Variants in ATG7 observed in about 807,000 individuals in gnomAD.
ATG7 encodes the protein ubiquitin-like modifier-activating enzyme ATG7.
A neutral mutation model predicts 82.4 loss-of-function variants in ATG7; 70 were observed. The ratio of observed to expected loss-of-function variants is 0.85; its 90% CI spans 0.70 to 1.04. ATG7 has a LOEUF of 1.04. Ranked by LOEUF, ATG7 falls within the 50% of genes least tolerant of loss-of-function variation. The probability of loss-of-function intolerance (pLI) is 0.00; values close to 1 mark genes in which losing one functional copy is unlikely to be tolerated. For synonymous variants in ATG7, 287 were observed against 313.0 expected (o/e 0.92, Z 0.88); for missense variants, 792 against 864.3 (o/e 0.92, Z 1.05).
At chr3:11,380,199 TTTC>T in intron 19 of ATG7, 147 bp downstream of exon 19, 1 of 690,624 alleles carries the variant, frequency 1.4e-6, no homozygotes, top group Non-Finnish European at 2.5e-6. Context: ...AGGACTTTGT[TTTC>T]ATGGATCTGT....
chr3:11,395,007 T>C (rs1411798173), intron 19 of ATG7, among the ~76,000 whole-genome samples: 1 of 152,174 alleles, frequency 6.6e-6, no homozygotes, highest in African/African-American at 2.4e-5. Flanking sequence ...TGAAATACTA[T>C]TCTTACAGCA....
chr3:11,496,949 T>G (rs2090878946), intron 20 of ATG7, among the ~76,000 whole-genome samples: 1 of 151,414 alleles, frequency 6.6e-6, no homozygotes, highest in Non-Finnish European at 1.5e-5. Context: ...AACCTCTGTT[T>G]CAAGTGATTC....
chr3:11,311,808 G>C (rs1202235204), intron 7 of ATG7, among the ~76,000 whole-genome samples: 1 of 151,918 alleles, frequency 6.6e-6, no homozygotes, highest in Non-Finnish European at 1.5e-5. Context: ...TTGCCATTGT[G>C]AAGAGGGAAT....
chr3:11,407,149 A>C (rs946055464), intron 19 of ATG7, among the ~76,000 whole-genome samples: 1 of 152,226 alleles, frequency 6.6e-6, no homozygotes, highest in African/African-American at 2.4e-5. Context: ...GGGTACATAC[A>C]GCCATTCCAA....
At chr3:11,318,391 A>G (rs1174132869) in intron 9 of ATG7, among the ~76,000 whole-genome samples, 1 of 152,240 alleles carries the variant, frequency 6.6e-6, no homozygotes, top group Non-Finnish European at 1.5e-5. Context: ...GTAATGGAAG[A>G]TAAGTTCAGA....
intron 20 of ATG7, among the ~76,000 whole-genome samples, chr3:11,498,153 A>G (rs891337727): frequency 1.3e-5 from 2 of 152,084 alleles, no homozygotes; most frequent in African/African-American, 4.8e-5. Context: ...ATATACACAC[A>G]TATACATACA....
At chr3:11,503,831 T>G (rs1342492229) in intron 20 of ATG7, among the ~76,000 whole-genome samples, 1 of 149,930 alleles carries the variant, frequency 6.7e-6, no homozygotes, top group African/African-American at 2.5e-5. Context: ...TAAAATTCAG[T>G]AGAAGGATTA....
intron 20 of ATG7, among the ~76,000 whole-genome samples, chr3:11,508,261 G>A (rs1278362182): frequency 6.6e-6 from 1 of 151,654 alleles, no homozygotes; most frequent in African/African-American, 2.4e-5. Flanking sequence ...CAATCTTTTG[G>A]CTTCCCTGAG....
intron 20 of ATG7, among the ~76,000 whole-genome samples, chr3:11,462,509 C>G (rs1255829659): frequency 6.6e-6 from 1 of 152,126 alleles, no homozygotes; most frequent in Non-Finnish European, 1.5e-5. Context: ...GCAGCGTGAA[C>G]ACTTTAGGGT....
At chr3:11,551,846 T>C (rs1437834736) in intron 20 of ATG7, among the ~76,000 whole-genome samples, 1 of 152,166 alleles carries the variant, frequency 6.6e-6, no homozygotes, top group Non-Finnish European at 1.5e-5. Flanking sequence ...CCTCCTGAGT[T>C]CAAGCCATTC....
At chr3:11,302,384 A>G (rs995575786) in intron 5 of ATG7, among the ~76,000 whole-genome samples, 4 of 152,184 alleles carry the variant, frequency 2.6e-5, no homozygotes, top group Non-Finnish European at 5.9e-5. Context: ...TCTTTATTCC[A>G]AATTATTTCC....
At chr3:11,283,175 G>A (rs1370597213) in intron 3 of ATG7, among the ~76,000 whole-genome samples, 1 of 152,220 alleles carries the variant, frequency 6.6e-6, no homozygotes. Flanking sequence ...TGTAGTGGGA[G>A]ACTGACCATT....
chr3:11,573,279 G>GAA, the ATG7 span, among the ~76,000 whole-genome samples: 1 of 15,452 alleles, frequency 6.5e-5, no homozygotes, highest in African/African-American at 2.6e-4. Flanking sequence ...AAGAAAGAAA[G>GAA]AAAGAAAGAA....
chr3:11,394,417 TTC>T (rs1327120830), intron 19 of ATG7, among the ~76,000 whole-genome samples: 1 of 152,224 alleles, frequency 6.6e-6, no homozygotes, highest in Non-Finnish European at 1.5e-5. Flanking sequence ...TATAAGGAGA[TTC>T]TGAGTTGAGC....
chr3:11,517,381 T>G (rs2092313978), intron 20 of ATG7, among the ~76,000 whole-genome samples: 1 of 150,698 alleles, frequency 6.6e-6, no homozygotes, highest in Admixed American at 6.6e-5. Context: ...AAAACAATGA[T>G]GGAGACAGTA....
intron 18 of ATG7, among the ~76,000 whole-genome samples, chr3:11,372,698 G>GA (rs960069117): frequency 3.3e-5 from 5 of 150,796 alleles, no homozygotes; most frequent in Admixed American, 2.0e-4. Flanking sequence ...TGTACTAAGG[G>GA]AAAAAAAATG....
chr3:11,336,560 A>G lies in ATG7; in HGVS notation c.889+3467A>G, dbSNP rs79487717. ...ATACAACTTCATAAAGAATTTTTCT[A>G]TATCATAATGTAAACTGAAAATATA... On this transcript the variant is annotated intron_variant, in intron 11 of 20. Transcript: ENST00000693202. Among the ~76,000 whole-genome samples the G allele has an allele frequency of 7.7e-4, 118 of 152,332 alleles. No individual in the cohort carries two copies. In the East Asian group the frequency reaches 0.016, roughly 20 times the overall value.
the ATG7 span, among the ~76,000 whole-genome samples, chr3:11,575,425 T>A: frequency 6.6e-6 from 1 of 152,168 alleles, no homozygotes; most frequent in Admixed American, 6.5e-5. Context: ...CTCCAGCAGC[T>A]CAGCTGGAAT....
chr3:11,286,880 C>T (rs1297249390), intron 3 of ATG7, among the ~76,000 whole-genome samples: 2 of 151,076 alleles, frequency 1.3e-5, no homozygotes, highest in African/African-American at 2.4e-5. Context: ...GCTGGGATTG[C>T]AGGTGTGAGC....
Sources: gnomAD v4.1 joint callset for allele counts (sites outside exome capture counted in the v4.1 genomes callset) on GRCh38, gnomAD v4.1.1 for gene constraint, MANE v1.5 for transcripts, NCBI Gene and HGNC (gene_info 2026-07-23, HGNC 2026-07-21) for gene names.